TUBA4B: variants seen among roughly 807,000 people sequenced by gnomAD.
TUBA4B encodes tubulin alpha 4b, also known as tubulin-like protein alpha-4B.
In TUBA4B, 13 loss-of-function variants were observed where a neutral mutation model predicts 18.4. The observed-to-expected ratio is 0.71, with a 90% confidence interval of 0.46 to 1.12. TUBA4B has a LOEUF of 1.12. TUBA4B is among the 50% of genes most tolerant of loss of function. TUBA4B has a pLI of 0.00. For synonymous variants in TUBA4B, 101 were observed against 99.1 expected (o/e 1.02, Z -0.11); for missense variants, 244 against 250.0 (o/e 0.98, Z 0.16).
At chr2:219,263,922 G>A (rs575456246) in intron 1 of TUBA4B, among the ~76,000 whole-genome samples, 3 of 152,278 alleles carry the variant, frequency 2.0e-5, no homozygotes, top group African/African-American at 7.2e-5. Context: ...CTACTTCCTG[G>A]ATAGGGTTGC....
chr2:219,262,686 T>A (rs9973967), intron 1 of TUBA4B, among the ~76,000 whole-genome samples: 3,857 of 148,822 alleles, frequency 0.026, 171 homozygotes, highest in African/African-American at 0.09. Flanking sequence ...TAAAAAAAAA[T>A]TTTTTTTTTT....
intron 3 of TUBA4B, 120 bp downstream of exon 3, chr2:219,270,455 G>A (rs1346811858): frequency 1.6e-6 from 1 of 641,682 alleles, no homozygotes; most frequent in African/African-American, 1.8e-5. Context: ...CACAGGATCA[G>A]GACCAATGAG....
chr2:219,260,737 G>A lies in TUBA4B; in HGVS notation c.13-5784G>A, dbSNP rs183025012. Among the ~76,000 whole-genome samples the A allele has an allele frequency of 1.8e-3, 274 of 152,330 alleles. 1 individual carries two copies. The highest frequency in any genetic ancestry group is 6.3e-3 in the African/African-American group (261 of 41,566). On this transcript the variant is annotated intron_variant, in intron 1 of 3. Coordinates refer to ENST00000490341, the MANE Select transcript of TUBA4B (RefSeq NM_001355221.1). ...GCCTGTAATCCCAGCACTTTGGAAG[G>A]CCAAGGTGGCGGATCACCTGAGGTC...
chr2:219,262,670 G>A (rs1951766688), intron 1 of TUBA4B, among the ~76,000 whole-genome samples: 1 of 151,990 alleles, frequency 6.6e-6, no homozygotes, highest in Non-Finnish European at 1.5e-5. Flanking sequence ...ACCACACCCA[G>A]CTAATTAAAA....
At position 219,271,621 on chromosome 2, in the gene TUBA4B, G is replaced by C; in HGVS notation, c.648G>C (p.Leu216=). Residue 216 remains leucine (L), a synonymous_variant, in exon 4 of 4, where the codon CTG becomes CTC. Transcript: ENST00000490341. ...GGCCACCTATGCACCAGTCATCTCT[G>C]CAGAAAAGGTATACCACGAGCAGCT... ...SPWPPMHQSS[L]QKRYTTSSCW... 6.2e-7 allele frequency: 1 copy of C among 1,614,056 alleles called. No individual in the cohort carries two copies. The highest frequency in any genetic ancestry group is 8.5e-7 in the Non-Finnish European group (1 of 1,179,946).
chr2:219,255,017 C>T (rs977505758), intron 1 of TUBA4B, among the ~76,000 whole-genome samples: 1 of 152,144 alleles, frequency 6.6e-6, no homozygotes. Flanking sequence ...CTCTCCACCC[C>T]ATCTTTTCAA....
In TUBA4B at chr2:219,271,448, G is replaced by A. The variant is rs765096912; in HGVS notation, c.475G>A (p.Glu159Lys). ...CATCTGCCACTGCAACCTAGACATC[G>A]AGCGCCCAACCTACACCAACCTCAA... ...YDICHCNLDI[E>K]RPTYTNLNRL... is the part of the protein sequence containing the mutation. The change falls in exon 4 of 4, where the codon GAG (glutamate) becomes AAG (lysine). Residue 159 changes from glutamate (E) to lysine (K), a missense_variant. Coordinates refer to ENST00000490341, the MANE Select transcript of TUBA4B (RefSeq NM_001355221.1). 1.2e-6 allele frequency: 2 copies of A among 1,614,052 alleles called. No homozygotes were observed. The highest frequency in any genetic ancestry group is 1.7e-6 in the Non-Finnish European group (2 of 1,180,006).
intron 1 of TUBA4B, chr2:219,253,963 G>A: frequency 9.2e-7 from 1 of 1,092,206 alleles, no homozygotes; most frequent in South Asian, 2.5e-5. Flanking sequence ...GGGGGGGGCG[G>A]GGCCCGCGTT....
intron 1 of TUBA4B, among the ~76,000 whole-genome samples, chr2:219,265,483 A>C: frequency 6.6e-6 from 1 of 152,130 alleles, no homozygotes; most frequent in Non-Finnish European, 1.5e-5. Context: ...CTAAAAATAT[A>C]AAAATTAGCC....
chr2:219,256,167 C>T (rs991169159), intron 1 of TUBA4B, among the ~76,000 whole-genome samples: 1 of 152,210 alleles, frequency 6.6e-6, no homozygotes, highest in Admixed American at 6.5e-5. Context: ...AAACTCTAAA[C>T]CTCTTTGACC....
intron 1 of TUBA4B, chr2:219,253,885 T>C: frequency 7.0e-7 from 1 of 1,437,432 alleles, no homozygotes; most frequent in Non-Finnish European, 9.1e-7. Flanking sequence ...GCGTCTCACG[T>C]TGAGTCGGGG....
chr2:219,254,029 A>G, intron 1 of TUBA4B: 2 of 607,272 alleles, frequency 3.3e-6, no homozygotes, highest in East Asian at 6.9e-5. Context: ...CCGGGAGGGT[A>G]AGCGGCCCCC....
chr2:219,262,227 C>T (rs565988785), intron 1 of TUBA4B, among the ~76,000 whole-genome samples: 3 of 152,322 alleles, frequency 2.0e-5, no homozygotes, highest in Non-Finnish European at 2.9e-5. Flanking sequence ...AGGAGAATGG[C>T]GTGAACCCAG....
intron 1 of TUBA4B, among the ~76,000 whole-genome samples, chr2:219,264,021 C>A (rs1032668964): frequency 6.6e-6 from 1 of 152,192 alleles, no homozygotes; most frequent in East Asian, 1.9e-4. Context: ...GTACAACAGT[C>A]CCCCCTTACT....
chr2:219,263,180 T>C (rs952567515), intron 1 of TUBA4B, among the ~76,000 whole-genome samples: 1 of 152,020 alleles, frequency 6.6e-6, no homozygotes, highest in Non-Finnish European at 1.5e-5. Flanking sequence ...TTAATCTAGA[T>C]GCATTAAAAT....
rs541456980 is a variant in TUBA4B, at chr2:219,253,267, G to T, written c.-141G>T. ...TGTCTCTGCCCATCCGCGCACCCGG[G>T]CTTCGGCTGGAGAGGGCCAGCTCGC... On this transcript the variant is annotated 5_prime_UTR_variant, in exon 1 of 4. Transcript: ENST00000490341. The T allele has an allele frequency of 1.1e-5, 16 of 1,493,792 alleles. No homozygotes were observed. The South Asian group carries it at 1.8e-4, about 17-fold the overall frequency. 92.5% of individuals were successfully genotyped at this position (1,493,792 alleles called of 1,614,324 possible).
chr2:219,253,852 T>C, intron 1 of TUBA4B: 2 of 1,500,418 alleles, frequency 1.3e-6, no homozygotes, highest in Non-Finnish European at 1.8e-6. Context: ...CGGGCCGCAC[T>C]CACCATGGTG....
intron 1 of TUBA4B, among the ~76,000 whole-genome samples, chr2:219,264,390 G>A (rs1951777289): frequency 6.6e-6 from 1 of 151,566 alleles, no homozygotes; most frequent in Admixed American, 6.6e-5. Context: ...AACCCAAGAG[G>A]CAGAGGTTGC....
intron 3 of TUBA4B, among the ~76,000 whole-genome samples, chr2:219,270,539 A>C (rs1159262103): frequency 2.0e-5 from 3 of 152,108 alleles, no homozygotes; most frequent in Non-Finnish European, 4.4e-5. Flanking sequence ...GTATCTCCGA[A>C]GTGGCTGGCC....
Sources: allele counts gnomAD v4.1 joint callset (sites outside exome capture counted in the v4.1 genomes callset), GRCh38; gene constraint gnomAD v4.1.1; transcripts MANE v1.5; gene names NCBI Gene and HGNC (gene_info 2026-07-23, HGNC 2026-07-21).